The following DOCK3 variants were observed in gnomAD, a reference collection of about 807,000 sequenced individuals.
DOCK3 encodes dedicator of cytokinesis 3, also known as dedicator of cytokinesis protein 3.
A neutral mutation model predicts 265.6 loss-of-function variants in DOCK3; 60 were observed. That is an observed-to-expected ratio of 0.23 (90% CI 0.18 to 0.28). The LOEUF (loss-of-function observed/expected upper bound fraction) is 0.28. Ranked by LOEUF, DOCK3 falls within the 10% of genes least tolerant of loss-of-function variation. The pLI, the probability that DOCK3 is intolerant of heterozygous loss-of-function variation, is 1.00. For synonymous variants in DOCK3, 881 were observed against 938.0 expected, an observed-to-expected ratio of 0.94 and a Z score of 1.11; for missense variants, 1,981 against 2,594.3, an observed-to-expected ratio of 0.76 and a Z score of 5.14.
At chr3:51,077,160 A>T (rs908815887) in intron 7 of DOCK3, among the ~76,000 whole-genome samples, 1 of 152,196 alleles carries the variant, frequency 6.6e-6, no homozygotes, top group Non-Finnish European at 1.5e-5. Flanking sequence ...ATAAGAATGT[A>T]GATGTTTGGA....
intron 1 of DOCK3, among the ~76,000 whole-genome samples, chr3:50,688,487 G>A (rs1055840328): frequency 6.6e-6 from 1 of 152,114 alleles, no homozygotes; most frequent in Non-Finnish European, 1.5e-5. Flanking sequence ...TTGTGAGATG[G>A]AGTCTTGCTC....
At chr3:51,043,372 T>G (rs976553860) in intron 5 of DOCK3, among the ~76,000 whole-genome samples, 2 of 152,188 alleles carry the variant, frequency 1.3e-5, no homozygotes, top group African/African-American at 4.8e-5. Flanking sequence ...CTGGGATAAC[T>G]GTCTAGCCAT....
chr3:51,020,634 G>A (rs889550112), intron 5 of DOCK3, among the ~76,000 whole-genome samples: 21 of 151,782 alleles, frequency 1.4e-4, no homozygotes, highest in African/African-American at 2.9e-4. Flanking sequence ...TCCACCTTGC[G>A]TTAATTTTTG....
intron 32 of DOCK3, among the ~76,000 whole-genome samples, chr3:51,320,399 A>G (rs2083632062): frequency 1.3e-5 from 2 of 151,022 alleles, no homozygotes; most frequent in South Asian, 4.2e-4. Context: ...TTGGGCAGAC[A>G]CCAAGCTAGC....
chr3:50,864,942 C>T (rs1366182957), intron 3 of DOCK3, among the ~76,000 whole-genome samples: 3 of 151,518 alleles, frequency 2.0e-5, no homozygotes, highest in African/African-American at 7.3e-5. Context: ...GTTCCACATA[C>T]ATTTTAGGAT....
In DOCK3 at chr3:50,897,388, C is replaced by T. The variant is rs368940096; in HGVS notation, c.218+7307C>T. On this transcript the variant is annotated intron_variant, in intron 4 of 52. Transcript: ENST00000266037. Reference sequence around the variant, plus strand: ...AGCCTAAGGAGATTTTGGGCTGACACGATGGGGTTTTCTAAATATACAATC... The same window carrying T: ...AGCCTAAGGAGATTTTGGGCTGACATGATGGGGTTTTCTAAATATACAATC... 3.9e-4 allele frequency among the ~76,000 whole-genome samples: 60 copies of T among 152,208 alleles called. 1 individual carries two copies. In the South Asian group the frequency reaches 0.01, roughly 26 times the overall value.
chr3:50,735,808 T>G (rs2038554939), intron 1 of DOCK3, among the ~76,000 whole-genome samples: 1 of 152,206 alleles, frequency 6.6e-6, no homozygotes, highest in Non-Finnish European at 1.5e-5. Context: ...GGCTCATGGT[T>G]CTGCGGCTAT....
chr3:51,032,329 T>C (rs979756690), intron 5 of DOCK3, among the ~76,000 whole-genome samples: 7 of 152,206 alleles, frequency 4.6e-5, no homozygotes, highest in South Asian at 2.1e-4. Flanking sequence ...TTAAGTTTCA[T>C]GTCAGTGCCC....
At chr3:51,349,981 T>G (rs1212618458) in intron 39 of DOCK3, among the ~76,000 whole-genome samples, 3 of 152,162 alleles carry the variant, frequency 2.0e-5, no homozygotes, top group Non-Finnish European at 1.5e-5. Flanking sequence ...GCCTCCCAAG[T>G]ACAGTAAGCC....
At position 51,381,663 on chromosome 3, in the gene DOCK3, C is replaced by A. The variant is rs1553618922; in HGVS notation, c.*104C>A. ...GCCCCACCCCAGGGAGCCAGAGAGGCTTGCACTCAGGAGAGAACCACCCCC... is the reference window on the plus strand; with the variant it reads ...GCCCCACCCCAGGGAGCCAGAGAGGATTGCACTCAGGAGAGAACCACCCCC... On this transcript the variant is annotated 3_prime_UTR_variant, in exon 53 of 53. Transcript: ENST00000266037. This position sits in a 1 kb window ranked among gnomAD's most constrained non-coding sequence, Gnocchi z 5.6. The A allele has an allele frequency of 1.4e-6, 2 of 1,413,698 alleles. No individual in the cohort carries two copies. The highest frequency in any genetic ancestry group is 3.0e-5 in the South Asian group (2 of 65,996). 87.6% of individuals were successfully genotyped at this position (1,413,698 alleles called of 1,614,324 possible).
At chr3:51,183,792 C>T (rs1466881821) in intron 12 of DOCK3, among the ~76,000 whole-genome samples, 1 of 152,176 alleles carries the variant, frequency 6.6e-6, no homozygotes, top group East Asian at 1.9e-4. Flanking sequence ...ATGCCTCACA[C>T]AGCAGTGGGG....
intron 2 of DOCK3, among the ~76,000 whole-genome samples, chr3:50,816,226 C>T (rs986144736): frequency 1.3e-5 from 2 of 151,662 alleles, no homozygotes; most frequent in African/African-American, 4.8e-5. Flanking sequence ...GTGTTGAATA[C>T]TCAGTCTGGA....
At chr3:51,304,501 A>G (rs575699933) in intron 27 of DOCK3, among the ~76,000 whole-genome samples, 12 of 152,168 alleles carry the variant, frequency 7.9e-5, no homozygotes, top group South Asian at 4.2e-4. Context: ...ATGGCTGCCA[A>G]CCCTCACTTG....
chr3:51,149,753 T>G (rs1270395536), intron 10 of DOCK3, among the ~76,000 whole-genome samples: 1 of 152,250 alleles, frequency 6.6e-6, no homozygotes, highest in Admixed American at 6.5e-5. Flanking sequence ...AGTATTTTAT[T>G]GAGGATTTTT....
At chr3:51,246,423 A>G (rs896464784) in intron 21 of DOCK3, among the ~76,000 whole-genome samples, 1 of 152,132 alleles carries the variant, frequency 6.6e-6, no homozygotes, top group Non-Finnish European at 1.5e-5. Context: ...TTGTAGAGAT[A>G]AGGTTTCGCC....
In DOCK3 at chr3:50,997,327, G is replaced by A. The variant is rs77456439; in HGVS notation, c.315+63250G>A. On this transcript the variant is annotated intron_variant, in intron 5 of 52. Coordinates refer to ENST00000266037, the MANE Select transcript of DOCK3 (RefSeq NM_004947.5). Reference sequence around the variant, plus strand: ...TAAATAAAAAGCAAATTATAGAGCAGTATATGTGAGGAAAAATGTTGGTTA... The same window carrying A: ...TAAATAAAAAGCAAATTATAGAGCAATATATGTGAGGAAAAATGTTGGTTA... 4.6e-3 allele frequency among the ~76,000 whole-genome samples: 694 copies of A among 152,162 alleles called. 4 individuals are homozygous for A. The highest frequency in any genetic ancestry group is 0.016 in the African/African-American group (663 of 41,518).
At chr3:50,945,933 A>G (rs1382201703) in intron 5 of DOCK3, among the ~76,000 whole-genome samples, 2 of 151,950 alleles carry the variant, frequency 1.3e-5, no homozygotes, top group African/African-American at 4.8e-5. Flanking sequence ...TTTAAATGAT[A>G]TAAAAAGTTT....
chr3:50,849,487 C>G (rs1158694571), intron 3 of DOCK3, among the ~76,000 whole-genome samples: 1 of 152,016 alleles, frequency 6.6e-6, no homozygotes, highest in Non-Finnish European at 1.5e-5. Flanking sequence ...CAGGGTCTCT[C>G]TCTGTCACCC....
At chr3:51,245,390 C>CTTT (rs71084137) in intron 21 of DOCK3, among the ~76,000 whole-genome samples, 105 of 106,656 alleles carry the variant, frequency 9.8e-4, no homozygotes, top group African/African-American at 3.5e-3. Context: ...CATTTTCTTT[C>CTTT]TTTTTTTTTT....
Sources: allele counts gnomAD v4.1 joint callset (sites outside exome capture counted in the v4.1 genomes callset), GRCh38; gene constraint gnomAD v4.1.1; non-coding constraint Gnocchi (gnomAD v3.1); transcripts MANE v1.5; gene names NCBI Gene and HGNC (gene_info 2026-07-23, HGNC 2026-07-21).